Variants in DAZAP1 observed in about 807,000 individuals in gnomAD.
The protein encoded by DAZAP1 is DAZ-associated protein 1.
A neutral mutation model predicts 60.1 loss-of-function variants in DAZAP1; 6 were observed. The ratio of observed to expected loss-of-function variants is 0.10; its 90% CI spans 0.05 to 0.20. The LOEUF (loss-of-function observed/expected upper bound fraction) is 0.20. DAZAP1 is among the 10% of genes least tolerant of loss of function. DAZAP1 has a pLI of 1.00. For synonymous variants in DAZAP1, 235 were observed against 215.9 expected (o/e 1.09, Z -0.78); for missense variants, 366 against 560.4 (o/e 0.65, Z 3.50).
chr19:1,421,037 C>A, intron 4 of DAZAP1, 111 bp from the exon 5 acceptor site: 2 of 898,726 alleles, frequency 2.2e-6, no homozygotes, highest in South Asian at 1.5e-5. Flanking sequence ...TCTGCTCTGG[C>A]TTTCAGCTGA....
chr19:1,426,038 AT>A lies in DAZAP1; in HGVS notation c.546+80del. On this transcript the variant is annotated intron_variant, in intron 7 of 11. Transcript: ENST00000233078. This position sits in a 1 kb window ranked among gnomAD's most constrained non-coding sequence, Gnocchi z 5.4. ...CTTAGGGGTTTCACTGGAAAGGAACATTCCTTCACGGAAAGGGTCGGGCGAG... is the reference window on the plus strand; with the variant it reads ...CTTAGGGGTTTCACTGGAAAGGAACATCCTTCACGGAAAGGGTCGGGCGAG... 1 of 1,067,552 alleles carries A rather than the reference AT, an allele frequency of 9.4e-7. No individual in the cohort carries two copies. The highest frequency in any genetic ancestry group is 1.3e-5 in the South Asian group (1 of 79,888). 66.1% of individuals were successfully genotyped at this position (1,067,552 alleles called of 1,614,324 possible).
chr19:1,412,882 C>T (rs1230400162), intron 1 of DAZAP1, among the ~76,000 whole-genome samples: 3 of 152,182 alleles, frequency 2.0e-5, no homozygotes, highest in African/African-American at 7.2e-5. Context: ...GCAGACTGCA[C>T]GCTGGACTCC....
At position 1,434,707 on chromosome 19, in the gene DAZAP1, G is replaced by T. The variant is rs373758247; in HGVS notation, c.1049-30G>T. On this transcript the variant is annotated intron_variant, in intron 11 of 11. Transcript: ENST00000233078. This position sits in a 1 kb window ranked among gnomAD's most constrained non-coding sequence, Gnocchi z 8.0. ...CGGCAGTGCCAACCGCCCAGGGACCGCCCCGAGCTCACAGGACTTTCTCCC... is the reference window on the plus strand; with the variant it reads ...CGGCAGTGCCAACCGCCCAGGGACCTCCCCGAGCTCACAGGACTTTCTCCC... The T allele has an allele frequency of 6.2e-7, 1 of 1,606,818 alleles. No individual in the cohort carries two copies. Among genetic ancestry groups the T allele is most frequent in the South Asian group, 1.1e-5 (1 of 90,702 alleles).
At chr19:1,430,679 A>AG (rs2144914044) in intron 10 of DAZAP1, among the ~76,000 whole-genome samples, 1 of 151,034 alleles carries the variant, frequency 6.6e-6, no homozygotes, top group East Asian at 1.9e-4. Flanking sequence ...CTCATACTTC[A>AG]GGATTAGGGG....
Position 1,433,527 on chromosome 19 carries a change from A to G in DAZAP1, c.1048+837A>G. 1.9e-6 allele frequency: 1 copy of G among 538,358 alleles called. No individual in the cohort carries two copies. Among genetic ancestry groups the G allele is most frequent in the Non-Finnish European group, 3.3e-6 (1 of 298,656 alleles). The allele number at this position is 538,358 out of a possible 1,614,324, so 33.3% of individuals were successfully genotyped here. A position where few individuals can be genotyped will look rare whatever the true frequency, so the allele number is the denominator to read the frequency against. ...GTTCGGCCGAGGTGCCCGCCCACCCACCTCGCATGGCTGTGGTTCCCCTGC... is the reference window on the plus strand; with the variant it reads ...GTTCGGCCGAGGTGCCCGCCCACCCGCCTCGCATGGCTGTGGTTCCCCTGC... On this transcript the variant is annotated intron_variant, in intron 11 of 11. Transcript: ENST00000233078. This position sits in a 1 kb window ranked among gnomAD's most constrained non-coding sequence, Gnocchi z 6.1.
chr19:1,428,791 G>C lies in DAZAP1; in HGVS notation c.547-51G>C, dbSNP rs775253868. On this transcript the variant is annotated intron_variant, in intron 7 of 11. Transcript: ENST00000233078. The surrounding 1 kb of genome is among the most constrained non-coding windows in gnomAD (Gnocchi z 4.0). The stretch of plus-strand genomic sequence containing the variant: ...ACCCGAGGGTGTGTCTAAAGGGAAG[G>C]GGGTGCTGGGACCCGCAGCCTCGCC... The C allele has an allele frequency of 2.5e-6, 4 of 1,609,226 alleles. No homozygotes were observed. Among genetic ancestry groups the C allele is most frequent in the Admixed American group, 1.7e-5 (1 of 59,610 alleles).
intron 1 of DAZAP1, chr19:1,417,253 G>C (rs1265513157): frequency 1.8e-6 from 1 of 552,006 alleles, no homozygotes; most frequent in East Asian, 3.2e-5. Context: ...CCACGCATGA[G>C]GTCAGCGTGC....
At chr19:1,429,926 G>A in intron 8 of DAZAP1, 41 bp from the exon 9 acceptor site, 3 of 1,555,162 alleles carry the variant, frequency 1.9e-6, no homozygotes, top group South Asian at 1.2e-5. Context: ...CGGACAGCTG[G>A]TGGACACGGC....
Position 1,434,894 on chromosome 19 carries a change from C to T in DAZAP1, c.1206C>T (p.Phe402=), listed in dbSNP as rs1215642644. 1.3e-6 allele frequency: 2 copies of T among 1,525,518 alleles called. No homozygotes were observed. Among genetic ancestry groups the T allele is most frequent in the Non-Finnish European group, 1.8e-6 (2 of 1,137,418 alleles). The allele number at this position is 1,525,518 out of a possible 1,614,324, so 94.5% of individuals were successfully genotyped here. A position where few individuals can be genotyped will look rare whatever the true frequency, so the allele number is the denominator to read the frequency against. ...GRGQNHNVQG[F]HPYRR ...GGCAGAACCACAACGTGCAAGGGTTCCACCCCTACCGACGCTAGCCCGCGG... is the reference window on the plus strand; with the variant it reads ...GGCAGAACCACAACGTGCAAGGGTTTCACCCCTACCGACGCTAGCCCGCGG... The change falls in exon 12 of 12, where the codon TTC becomes TTT. Residue 402 remains phenylalanine, a synonymous_variant. Transcript: ENST00000233078. This position sits in a 1 kb window ranked among gnomAD's most constrained non-coding sequence, Gnocchi z 8.0.
At chr19:1,409,182 G>A (rs936160045) in intron 1 of DAZAP1, among the ~76,000 whole-genome samples, 1 of 152,254 alleles carries the variant, frequency 6.6e-6, no homozygotes, top group Non-Finnish European at 1.5e-5. Flanking sequence ...GGCAGGGTCC[G>A]TGTGCCTGTG....
intron 1 of DAZAP1, chr19:1,417,031 C>T: frequency 5.2e-6 from 1 of 193,240 alleles, no homozygotes; most frequent in South Asian, 8.0e-5. Context: ...GTCTGTGTCC[C>T]CCCACCCCCG....
At chr19:1,410,428 C>T (rs1300769558) in intron 1 of DAZAP1, among the ~76,000 whole-genome samples, 1 of 152,134 alleles carries the variant, frequency 6.6e-6, no homozygotes, top group Non-Finnish European at 1.5e-5. Context: ...GGGGGACAGG[C>T]ACTGACCTGT....
chr19:1,432,390 C>A lies in DAZAP1; in HGVS notation c.872-124C>A. ...TCTGTGGATGTCCACAAGGCCTGGGCGTTCTGTGGGTTTGGGTGGCAGTCC... is the reference window on the plus strand; with the variant it reads ...TCTGTGGATGTCCACAAGGCCTGGGAGTTCTGTGGGTTTGGGTGGCAGTCC... On this transcript the variant is annotated intron_variant, in intron 10 of 11. Coordinates refer to ENST00000233078, the MANE Select transcript of DAZAP1 (RefSeq NM_018959.4). The surrounding 1 kb of genome is among the most constrained non-coding windows in gnomAD (Gnocchi z 4.9). 1 of 977,930 alleles carries A rather than the reference C, an allele frequency of 1.0e-6. No individual in the cohort carries two copies. Among genetic ancestry groups the A allele is most frequent in the Non-Finnish European group, 1.6e-6 (1 of 625,738 alleles). 60.6% of individuals were successfully genotyped at this position (977,930 alleles called of 1,614,324 possible).
rs900617111 is a variant in DAZAP1, at chr19:1,434,610, C to T, written c.1049-127C>T. 2.8e-5 allele frequency: 27 copies of T among 953,780 alleles called. No homozygotes were observed. The highest frequency in any genetic ancestry group is 3.4e-4 in the Middle Eastern group (1 of 2,926). The allele number at this position is 953,780 out of a possible 1,614,324, so 59.1% of individuals were successfully genotyped here. A position where few individuals can be genotyped will look rare whatever the true frequency, so the allele number is the denominator to read the frequency against. On this transcript the variant is annotated intron_variant, in intron 11 of 11. Transcript: ENST00000233078. This position sits in a 1 kb window ranked among gnomAD's most constrained non-coding sequence, Gnocchi z 8.0. Reference sequence around the variant, plus strand: ...CCCAGGTGCTGGCCTCAGAAGGGCCCCACCCGCACCCCGTGGGACCCGTGG... The same window carrying T: ...CCCAGGTGCTGGCCTCAGAAGGGCCTCACCCGCACCCCGTGGGACCCGTGG...
Position 1,425,805 on chromosome 19 carries a change from C to G in DAZAP1, c.464-73C>G. The stretch of plus-strand genomic sequence containing the variant: ...CCCAAGGTCGATCCCTCGGCCCGTC[C>G]CTAATACTGTTCATCATCCTGTTTT... On this transcript the variant is annotated intron_variant, in intron 6 of 11. Coordinates refer to ENST00000233078, the MANE Select transcript of DAZAP1 (RefSeq NM_018959.4). The surrounding 1 kb of genome is among the most constrained non-coding windows in gnomAD (Gnocchi z 5.4). 9.3e-7 allele frequency: 1 copy of G among 1,076,710 alleles called. No homozygotes were observed. Among genetic ancestry groups the G allele is most frequent in the Non-Finnish European group, 1.4e-6 (1 of 690,304 alleles). 66.7% of individuals were successfully genotyped at this position (1,076,710 alleles called of 1,614,324 possible).
intron 1 of DAZAP1, among the ~76,000 whole-genome samples, chr19:1,411,337 G>A (rs150275095): frequency 8.9e-4 from 135 of 152,344 alleles, no homozygotes; most frequent in African/African-American, 3.2e-3. Flanking sequence ...CGGGTCAGGA[G>A]TACCCCCAGT....
chr19:1,430,193 G>A (rs1432948697), intron 9 of DAZAP1, 29 bp from the exon 10 acceptor site: 15 of 1,584,242 alleles, frequency 9.5e-6, no homozygotes, highest in Non-Finnish European at 1.2e-5. Context: ...AGCGCTCTCT[G>A]TCCATCACCC....
rs1339274537 is a variant in DAZAP1 at position 1,428,579 on chromosome 19, C to T, written c.547-263C>T. The T allele has an allele frequency of 9.5e-6, 4 of 419,330 alleles. No individual in the cohort carries two copies. Among genetic ancestry groups the T allele is most frequent in the Admixed American group, 4.2e-5 (1 of 24,042 alleles). 26.0% of individuals were successfully genotyped at this position (419,330 alleles called of 1,614,324 possible). A position where few individuals can be genotyped will look rare whatever the true frequency, so the allele number is the denominator to read the frequency against. ...ACCCCCGAGGGCTCTGGGCTCGGTCCTGCTGCCCCGCAGTGGGCGGGCTCT... is the reference window on the plus strand; with the variant it reads ...ACCCCCGAGGGCTCTGGGCTCGGTCTTGCTGCCCCGCAGTGGGCGGGCTCT... On this transcript the variant is annotated intron_variant, in intron 7 of 11. Transcript: ENST00000233078. The surrounding 1 kb of genome is among the most constrained non-coding windows in gnomAD (Gnocchi z 4.0).
chr19:1,432,452 C>G lies in DAZAP1; in HGVS notation c.872-62C>G, dbSNP rs1461045587. The G allele has an allele frequency of 1.9e-6, 3 of 1,570,894 alleles. No homozygotes were observed. The highest frequency in any genetic ancestry group is 2.2e-5 in the South Asian group (2 of 90,150). On this transcript the variant is annotated intron_variant, in intron 10 of 11. Coordinates refer to ENST00000233078, the MANE Select transcript of DAZAP1 (RefSeq NM_018959.4). This position sits in a 1 kb window ranked among gnomAD's most constrained non-coding sequence, Gnocchi z 4.9. ...CTCCTGCTGGGCTGGGTGTGGGTCT[C>G]CTGCTGGTCTGCCCCCAGCTGCACA...
Sources: allele counts gnomAD v4.1 joint callset (sites outside exome capture counted in the v4.1 genomes callset), GRCh38; gene constraint gnomAD v4.1.1; non-coding constraint Gnocchi (gnomAD v3.1); transcripts MANE v1.5; gene names NCBI Gene and HGNC (gene_info 2026-07-23, HGNC 2026-07-21).